USP47: variants seen among roughly 807,000 people sequenced by gnomAD.
USP47 encodes the protein ubiquitin carboxyl-terminal hydrolase 47.
Under a neutral mutation model 165.1 loss-of-function variants are expected in USP47, and 35 were observed. That is an observed-to-expected ratio of 0.21 (90% CI 0.16 to 0.28). The LOEUF is 0.28. USP47 is among the 10% of genes least tolerant of loss of function. USP47 has a pLI of 1.00. For synonymous variants in USP47, 531 were observed against 544.5 expected (o/e 0.98, Z 0.35); for missense variants, 1,277 against 1,607.4 (o/e 0.79, Z 3.52).
chr11:11,944,785 A>G (rs976498265), intron 20 of USP47, among the ~76,000 whole-genome samples: 2 of 152,164 alleles, frequency 1.3e-5, no homozygotes, highest in African/African-American at 4.8e-5. Flanking sequence ...TACTCAACCC[A>G]TCAAGGACAT....
In USP47 at chr11:11,930,025, T is replaced by C; in HGVS notation, c.1519-19T>C. On this transcript the variant is annotated intron_variant, in intron 12 of 27. Coordinates refer to ENST00000527733, the MANE Select transcript of USP47 (RefSeq NM_001282659.2). ...AGTGTTATAGAATTTGCAAAAAAAATCATGTAACACATTTTCAGATAACAC... is the reference window on the plus strand; with the variant it reads ...AGTGTTATAGAATTTGCAAAAAAAACCATGTAACACATTTTCAGATAACAC... The C allele has an allele frequency of 6.2e-7, 1 of 1,608,886 alleles. No individual in the cohort carries two copies.
chr11:11,936,219 T>A (rs1480339095), intron 16 of USP47, 84 bp from the exon 17 acceptor site: 16 of 734,900 alleles, frequency 2.2e-5, no homozygotes, highest in Non-Finnish European at 2.9e-5. Flanking sequence ...CCCAACAGAC[T>A]AAAACACTGT....
intron 1 of USP47, among the ~76,000 whole-genome samples, chr11:11,871,381 TA>T (rs1453816110): frequency 6.6e-6 from 1 of 151,492 alleles, no homozygotes; most frequent in Non-Finnish European, 1.5e-5. Flanking sequence ...TGCATGCCTG[TA>T]GTCCCAGCTA....
At chr11:11,902,636 A>G (rs894628989) in intron 5 of USP47, 79 bp from the exon 6 acceptor site, 18 of 1,051,596 alleles carry the variant, frequency 1.7e-5, no homozygotes, top group Middle Eastern at 6.6e-4. Context: ...ATCTTACATT[A>G]TTATGATTTT....
chr11:11,885,799 C>A (rs571758093), intron 3 of USP47, among the ~76,000 whole-genome samples: 1 of 152,330 alleles, frequency 6.6e-6, no homozygotes, highest in South Asian at 2.1e-4. Flanking sequence ...GGAATTGGCT[C>A]CCAACGGGTT....
At chr11:11,930,878 A>G in intron 14 of USP47, 127 bp downstream of exon 14, 1 of 659,224 alleles carries the variant, frequency 1.5e-6, no homozygotes, top group Non-Finnish European at 2.5e-6. Flanking sequence ...TGGAAGAATT[A>G]TTTACAAAGA....
intron 20 of USP47, among the ~76,000 whole-genome samples, chr11:11,944,623 T>G (rs1002612543): frequency 5.3e-5 from 8 of 152,150 alleles, no homozygotes; most frequent in Admixed American, 5.2e-4. Context: ...TCAAACAGAT[T>G]AAGTAATTTG....
At chr11:11,890,923 C>T (rs1393286378) in intron 3 of USP47, among the ~76,000 whole-genome samples, 1 of 152,122 alleles carries the variant, frequency 6.6e-6, no homozygotes, top group African/African-American at 2.4e-5. Flanking sequence ...GAAAACCAAA[C>T]ACTACATGTT....
intron 8 of USP47, among the ~76,000 whole-genome samples, chr11:11,907,668 T>C (rs534229808): frequency 5.3e-5 from 8 of 152,270 alleles, no homozygotes; most frequent in African/African-American, 1.2e-4. Context: ...ATTGCAAAAA[T>C]CTGGTTAAAA....
At chr11:11,842,438 GTTT>G (rs1191100625) in intron 1 of USP47, among the ~76,000 whole-genome samples, 9 of 152,220 alleles carry the variant, frequency 5.9e-5, no homozygotes. Flanking sequence ...CCCGCCTCGG[GTTT>G]TATGGGGCTG....
intron 8 of USP47, among the ~76,000 whole-genome samples, chr11:11,909,614 CTA>C (rs751890079): frequency 2.4e-4 from 37 of 152,146 alleles, no homozygotes; most frequent in Non-Finnish European, 4.0e-4. Flanking sequence ...AGGGCCTACT[CTA>C]TGGCAGACAC....
chr11:11,896,293 G>A (rs555054013), intron 4 of USP47, among the ~76,000 whole-genome samples: 1 of 152,250 alleles, frequency 6.6e-6, no homozygotes, highest in East Asian at 1.9e-4. Context: ...ACAAACAAGT[G>A]ATACATGATT....
At position 11,957,237 on chromosome 11, in the gene USP47, T is replaced by C. The variant is rs901306262; in HGVS notation, c.*1062T>C. 1 of 151,962 alleles carries C rather than the reference T, an allele frequency of 6.6e-6. No individual in the cohort carries two copies. Among genetic ancestry groups the C allele is most frequent in the African/African-American group, 2.4e-5 (1 of 41,436 alleles). 9.4% of individuals were successfully genotyped at this position (151,962 alleles called of 1,614,324 possible). ...GAGTCAATTTGTAGTTACATGTAGT[T>C]TAACTTTTGGGAAACGTCTTAACAT... On this transcript the variant is annotated 3_prime_UTR_variant, in exon 28 of 28. Transcript: ENST00000527733.
chr11:11,955,411 A>AC (rs1856499995), intron 27 of USP47, among the ~76,000 whole-genome samples: 1 of 152,244 alleles, frequency 6.6e-6, no homozygotes, highest in Non-Finnish European at 1.5e-5. Flanking sequence ...TATGATCATT[A>AC]CATGTCATCA....
chr11:11,904,621 C>G (rs1331643684), intron 7 of USP47, among the ~76,000 whole-genome samples: 1 of 152,064 alleles, frequency 6.6e-6, no homozygotes, highest in East Asian at 1.9e-4. Context: ...TTAAGATCAG[C>G]TGGGGCATTC....
chr11:11,931,109 A>T (rs1854633424), intron 14 of USP47, among the ~76,000 whole-genome samples: 1 of 152,118 alleles, frequency 6.6e-6, no homozygotes, highest in African/African-American at 2.4e-5. Context: ...CTCAGGCTGT[A>T]TTACAAATAT....
At chr11:11,913,258 C>CAAAAAA (rs796881838) in intron 8 of USP47, among the ~76,000 whole-genome samples, 57 of 78,986 alleles carry the variant, frequency 7.2e-4, no homozygotes, top group Middle Eastern at 6.8e-3. Flanking sequence ...ATCCCTTGTA[C>CAAAAAA]AAAAAAAAAA....
chr11:11,942,237 T>C, intron 19 of USP47, 98 bp from the exon 20 acceptor site: 1 of 1,287,636 alleles, frequency 7.8e-7, no homozygotes, highest in Non-Finnish European at 1.1e-6. Context: ...TGTTATAACA[T>C]AACTGTGTAT....
At chr11:11,946,185 A>G (rs1165458478) in intron 20 of USP47, among the ~76,000 whole-genome samples, 1 of 152,164 alleles carries the variant, frequency 6.6e-6, no homozygotes, top group Non-Finnish European at 1.5e-5. Context: ...TGACCCCAGA[A>G]CATAACTTTG....
Sources: gnomAD v4.1 joint callset for allele counts (sites outside exome capture counted in the v4.1 genomes callset) on GRCh38, gnomAD v4.1.1 for gene constraint, MANE v1.5 for transcripts, NCBI Gene and HGNC (gene_info 2026-07-23, HGNC 2026-07-21) for gene names.